Variants in RUNDC3B observed in about 807,000 individuals in gnomAD.
The protein encoded by RUNDC3B is RUN domain-containing protein 3B.
In RUNDC3B, 33 loss-of-function variants were observed where a neutral mutation model predicts 58.4. That is an observed-to-expected ratio of 0.56 (90% CI 0.43 to 0.75). The LOEUF (loss-of-function observed/expected upper bound fraction) is 0.75. Among genes scored for constraint, RUNDC3B ranks in the 30% least tolerant of loss-of-function variants. RUNDC3B has a pLI of 0.00. For missense variants in RUNDC3B, 501 were observed against 535.7 expected, an observed-to-expected ratio of 0.94 and a Z score of 0.64; for synonymous variants, 193 against 195.2, an observed-to-expected ratio of 0.99 and a Z score of 0.10.
chr7:87,636,324 A>G (rs1233678159), intron 1 of RUNDC3B, among the ~76,000 whole-genome samples: 1 of 152,154 alleles, frequency 6.6e-6, no homozygotes, highest in Non-Finnish European at 1.5e-5. Context: ...CTTGATGTCT[A>G]ATGAAGTCAA....
chr7:87,715,345 A>AATTATATATAATTAATTTATAT (rs1563157960), intron 4 of RUNDC3B, among the ~76,000 whole-genome samples: 7 of 119,722 alleles, frequency 5.8e-5, no homozygotes, highest in African/African-American at 2.5e-4. Flanking sequence ...TTAATTTATA[A>AATTATATATAATTAATTTATAT]TAATTATATA....
intron 1 of RUNDC3B, among the ~76,000 whole-genome samples, chr7:87,641,629 T>A (rs1486614732): frequency 6.6e-6 from 1 of 152,206 alleles, no homozygotes; most frequent in Non-Finnish European, 1.5e-5. Flanking sequence ...ATGAAAGAGC[T>A]CTTCTTCCCT....
intron 6 of RUNDC3B, among the ~76,000 whole-genome samples, chr7:87,754,121 A>G (rs1833208728): frequency 6.6e-6 from 1 of 152,226 alleles, no homozygotes; most frequent in African/African-American, 2.4e-5. Context: ...TTCCACCTCC[A>G]AATAACAGAA....
intron 10 of RUNDC3B, among the ~76,000 whole-genome samples, chr7:87,821,408 A>G (rs1257125802): frequency 6.6e-6 from 1 of 152,240 alleles, no homozygotes; most frequent in Non-Finnish European, 1.5e-5. Context: ...AACAAATGGA[A>G]GAACACTCCA....
intron 2 of RUNDC3B, among the ~76,000 whole-genome samples, chr7:87,668,770 G>T (rs969387243): frequency 6.6e-6 from 1 of 151,950 alleles, no homozygotes; most frequent in African/African-American, 2.4e-5. Context: ...TTTAATTTCT[G>T]TGTGATTGCA....
chr7:87,664,021 CAT>C (rs950234317), intron 2 of RUNDC3B, among the ~76,000 whole-genome samples: 9 of 152,128 alleles, frequency 5.9e-5, no homozygotes, highest in African/African-American at 1.7e-4. Context: ...AGGACTTAAA[CAT>C]GTGAATTTTG....
At chr7:87,781,888 T>G (rs1379130601) in intron 8 of RUNDC3B, among the ~76,000 whole-genome samples, 1 of 152,152 alleles carries the variant, frequency 6.6e-6, no homozygotes, top group Non-Finnish European at 1.5e-5. Flanking sequence ...AGTTTGGTAG[T>G]ATTTTATCAA....
intron 4 of RUNDC3B, among the ~76,000 whole-genome samples, chr7:87,711,495 A>G (rs531071622): frequency 6.6e-6 from 1 of 152,180 alleles, no homozygotes; most frequent in East Asian, 1.9e-4. Flanking sequence ...TTATGATGGT[A>G]GAAAAGGGTA....
At chr7:87,826,447 C>T (rs570997164) in intron 10 of RUNDC3B, among the ~76,000 whole-genome samples, 5 of 151,120 alleles carry the variant, frequency 3.3e-5, no homozygotes, top group South Asian at 2.1e-4. Context: ...TCAAGTATGC[C>T]TTATCAGCAG....
At chr7:87,769,761 C>A (rs2130867949) in intron 6 of RUNDC3B, among the ~76,000 whole-genome samples, 1 of 152,022 alleles carries the variant, frequency 6.6e-6, no homozygotes, top group South Asian at 2.1e-4. Flanking sequence ...GGTTTTAAGC[C>A]CTGCATGCAT....
chr7:87,751,935 G>A (rs1253923897), intron 6 of RUNDC3B, among the ~76,000 whole-genome samples: 1 of 152,120 alleles, frequency 6.6e-6, no homozygotes, highest in Non-Finnish European at 1.5e-5. Flanking sequence ...GTGAGAGAGG[G>A]CATCCCTGTC....
At chr7:87,794,233 A>C (rs1214435546) in intron 8 of RUNDC3B, among the ~76,000 whole-genome samples, 1 of 152,226 alleles carries the variant, frequency 6.6e-6, no homozygotes. Flanking sequence ...TCAAGAGATC[A>C]AGATCATCCT....
chr7:87,721,628 G>A (rs1374366589), intron 4 of RUNDC3B, among the ~76,000 whole-genome samples: 1 of 152,092 alleles, frequency 6.6e-6, no homozygotes, highest in Non-Finnish European at 1.5e-5. Flanking sequence ...AAATATTAAA[G>A]TCTAGTTAGG....
At chr7:87,646,470 T>C (rs1037979568) in intron 1 of RUNDC3B, among the ~76,000 whole-genome samples, 1 of 152,282 alleles carries the variant, frequency 6.6e-6, no homozygotes, top group African/African-American at 2.4e-5. Flanking sequence ...TTTTGGTGTA[T>C]TTTATGGAGA....
At chr7:87,765,759 T>C (rs577368064) in intron 6 of RUNDC3B, among the ~76,000 whole-genome samples, 6 of 152,222 alleles carry the variant, frequency 3.9e-5, no homozygotes, top group African/African-American at 1.2e-4. Context: ...GAGAAAAATA[T>C]ATATTCTGTG....
intron 6 of RUNDC3B, among the ~76,000 whole-genome samples, chr7:87,751,380 C>T (rs563733505): frequency 6.6e-6 from 1 of 151,784 alleles, no homozygotes; most frequent in Admixed American, 6.6e-5. Context: ...TTTTATTCCA[C>T]ATGAACTTTA....
intron 2 of RUNDC3B, among the ~76,000 whole-genome samples, chr7:87,690,652 G>A (rs140024510): frequency 7.2e-5 from 11 of 152,060 alleles, no homozygotes; most frequent in African/African-American, 1.4e-4. Context: ...CTGTTGCTTC[G>A]CTGAAAAATT....
chr7:87,693,909 G>T, intron 2 of RUNDC3B: 1 of 1,607,680 alleles, frequency 6.2e-7, no homozygotes. Flanking sequence ...TTTTTAAAGA[G>T]ATTTCCCAAA....
intron 6 of RUNDC3B, among the ~76,000 whole-genome samples, chr7:87,754,943 C>T (rs1162493085): frequency 1.4e-5 from 1 of 73,380 alleles, no homozygotes; most frequent in Non-Finnish European, 2.7e-5. Flanking sequence ...GCTTACCAAC[C>T]AAAAAAAAAA....
Sources: gnomAD v4.1 joint callset for allele counts (sites outside exome capture counted in the v4.1 genomes callset) on GRCh38, gnomAD v4.1.1 for gene constraint, MANE v1.5 for transcripts, NCBI Gene and HGNC (gene_info 2026-07-23, HGNC 2026-07-21) for gene names.